OTOF: variants seen among roughly 807,000 people sequenced by gnomAD.
OTOF encodes otoferlin.
OTOF carries 218 observed loss-of-function variants against 236.8 expected under a neutral mutation model. The observed-to-expected ratio is 0.92, with a 90% CI of 0.82 to 1.03. The LOEUF (loss-of-function observed/expected upper bound fraction) is 1.03. OTOF is among the 50% of genes least tolerant of loss of function. The pLI is 0.00. For synonymous variants in OTOF, 1,041 were observed against 1,072.5 expected (o/e 0.97, Z 0.57); for missense variants, 2,590 against 2,694.4 (o/e 0.96, Z 0.86).
At chr2:26,535,185 C>T (rs539670401) in intron 2 of OTOF, among the ~76,000 whole-genome samples, 12 of 152,144 alleles carry the variant, frequency 7.9e-5, no homozygotes, top group Non-Finnish European at 1.6e-4. Context: ...CCAACACGGG[C>T]CTTGCAGGGG....
chr2:26,489,550 C>A, intron 10 of OTOF, 128 bp downstream of exon 10: 1 of 814,844 alleles, frequency 1.2e-6, no homozygotes, highest in Non-Finnish European at 2.1e-6. Context: ...CCTACTTGCC[C>A]AGCCGTGTGT....
At chr2:26,490,562 G>A (rs542860219) in intron 9 of OTOF, among the ~76,000 whole-genome samples, 1 of 152,300 alleles carries the variant, frequency 6.6e-6, no homozygotes, top group South Asian at 2.1e-4. Flanking sequence ...GGGGAGAAGG[G>A]AGAAATATTT....
At position 26,479,599 on chromosome 2, in the gene OTOF, CG is replaced by C. The variant is rs397515590; in HGVS notation, c.1966del (p.Arg656GlyfsTer10). 6 of 1,612,610 alleles carry C rather than the reference CG, an allele frequency of 3.7e-6. No homozygotes were observed. The highest frequency in any genetic ancestry group is 1.7e-5 in the Admixed American group (1 of 60,024). ...TTCTTCCTCATCCCCCGGCTCCTTC[CG>C]GGGCCGAGGCCGCTGGGGCCGGGAC... ...GLSRPQRPRP[R>X]KEPGDEEEVD... On this transcript the variant is annotated frameshift_variant, in exon 17 of 47. Coordinates refer to ENST00000272371, the MANE Select transcript of OTOF (RefSeq NM_194248.3). LOFTEE classifies it high-confidence loss of function.
At chr2:26,506,038 C>T (rs1233819638) in intron 5 of OTOF, among the ~76,000 whole-genome samples, 1 of 152,216 alleles carries the variant, frequency 6.6e-6, no homozygotes, top group African/African-American at 2.4e-5. Flanking sequence ...GAAAGGACCA[C>T]CCTGGCTGGC....
At position 26,462,662 on chromosome 2, in the gene OTOF, A is replaced by G. The variant is rs904246549; in HGVS notation, c.5193-481T>C. Among the ~76,000 whole-genome samples the G allele has an allele frequency of 2.0e-5, 3 of 152,208 alleles. No individual in the cohort carries two copies. Among genetic ancestry groups the G allele is most frequent in the Non-Finnish European group, 2.9e-5 (2 of 68,036 alleles). On this transcript the variant is annotated intron_variant, in intron 41 of 46. Coordinates refer to ENST00000272371, the MANE Select transcript of OTOF (RefSeq NM_194248.3). The surrounding 1 kb of genome is among the most constrained non-coding windows in gnomAD (Gnocchi z 4.7). Reference sequence around the variant, plus strand: ...GCTGCGAGCCCAGAGTGGCCCAGTGAGTTGGGTGCCCCCTAATGACAGGCC... The same window carrying G: ...GCTGCGAGCCCAGAGTGGCCCAGTGGGTTGGGTGCCCCCTAATGACAGGCC...
chr2:26,474,490 G>T (rs1665159046), intron 26 of OTOF, 23 bp downstream of exon 26: 1 of 1,531,032 alleles, frequency 6.5e-7, no homozygotes, highest in Non-Finnish European at 8.8e-7. Flanking sequence ...CCAGGCCTCA[G>T]CCCCTCTTCC....
chr2:26,546,301 A>C (rs1667331158), intron 1 of OTOF, among the ~76,000 whole-genome samples: 1 of 152,020 alleles, frequency 6.6e-6, no homozygotes, highest in Non-Finnish European at 1.5e-5. Context: ...TCTCTACTGA[A>C]AATACAAAAA....
At chr2:26,549,935 G>A (rs1250109192) in intron 1 of OTOF, among the ~76,000 whole-genome samples, 2 of 152,272 alleles carry the variant, frequency 1.3e-5, no homozygotes, top group Non-Finnish European at 2.9e-5. Flanking sequence ...CCCCTGTTAC[G>A]GTGACAGAGG....
chr2:26,517,647 A>G (rs1350926038), intron 4 of OTOF, among the ~76,000 whole-genome samples: 1 of 152,320 alleles, frequency 6.6e-6, no homozygotes, highest in East Asian at 1.9e-4. Context: ...TGTTATGGGA[A>G]AATGGTGGTC....
intron 9 of OTOF, among the ~76,000 whole-genome samples, chr2:26,493,064 G>A (rs1665887515): frequency 6.6e-6 from 1 of 152,220 alleles, no homozygotes. Context: ...TGGGGACATA[G>A]ATGCTTATCT....
At chr2:26,491,678 G>T (rs1332217641) in intron 9 of OTOF, among the ~76,000 whole-genome samples, 2 of 152,172 alleles carry the variant, frequency 1.3e-5, no homozygotes, top group Non-Finnish European at 2.9e-5. Flanking sequence ...GGGGCCAGAT[G>T]CACACACAGG....
Position 26,472,651 on chromosome 2 carries a change from T to G in OTOF, c.3734-2A>C. The G allele has an allele frequency of 5.0e-6, 8 of 1,612,784 alleles. No individual in the cohort carries two copies. The highest frequency in any genetic ancestry group is 6.8e-6 in the Non-Finnish European group (8 of 1,179,818). On this transcript the variant is annotated splice_acceptor_variant, in intron 29 of 46. Coordinates refer to ENST00000272371, the MANE Select transcript of OTOF (RefSeq NM_194248.3). LOFTEE classifies it high-confidence loss of function. ...CACGGCAGCGCCGGAGAAGCCTGAC[T>G]GGACAGATGGATAGATGGACAGACA...
Position 26,464,893 on chromosome 2 carries a change from G to A in OTOF, c.4936C>T (p.Pro1646Ser), listed in dbSNP as rs17005371. Residue 1646 changes from proline to serine, a missense_variant, in exon 39 of 47, where the codon CCC (proline) becomes TCC (serine). Coordinates refer to ENST00000272371, the MANE Select transcript of OTOF (RefSeq NM_194248.3). Reference protein sequence around the residue: ...VKVANRVFTGPSEIEDENGQR... With the variant: ...VKVANRVFTGSSEIEDENGQR... ...CCGTTCTCGTCCTCAATCTCAGAGG[G>A]CCCAGTGAAGACGCGGTTGGCCACC... 0.034 allele frequency: 54,842 copies of A among 1,600,522 alleles called. 8,235 individuals are homozygous for A. The African/African-American group carries it at 0.46, about 13-fold the overall frequency.
chr2:26,555,295 G>A (rs1558532303), intron 1 of OTOF, among the ~76,000 whole-genome samples: 1 of 152,174 alleles, frequency 6.6e-6, no homozygotes, highest in Non-Finnish European at 1.5e-5. Context: ...AAACCCAGCT[G>A]AGCCCTGTGG....
At chr2:26,527,328 G>A (rs944177834) in intron 3 of OTOF, among the ~76,000 whole-genome samples, 1 of 152,246 alleles carries the variant, frequency 6.6e-6, no homozygotes, top group African/African-American at 2.4e-5. Context: ...AAATCAGAGA[G>A]GTTATGTAAC....
chr2:26,476,103 C>T, intron 23 of OTOF, 25 bp downstream of exon 23: 10 of 1,611,416 alleles, frequency 6.2e-6, no homozygotes, highest in Non-Finnish European at 8.5e-6. Flanking sequence ...CCAGGTGAGG[C>T]TTCGAGTGAG....
In OTOF at chr2:26,480,205, A is replaced by G. The variant is rs111033351; in HGVS notation, c.1910T>C (p.Ile637Thr). ...GDKPITFEVT[I>T]GNYGNEVDGL... Reference sequence around the variant, plus strand: ...GCCCCCGTGGGCCCAGCACTCACCTATGGTGACCTCAAAGGTGATGGGCTT... The same window carrying G: ...GCCCCCGTGGGCCCAGCACTCACCTGTGGTGACCTCAAAGGTGATGGGCTT... Residue 637 changes from isoleucine (I) to threonine (T), a missense_variant and splice_region_variant, in exon 16 of 47, where the codon ATA becomes ACA. Ile to Thr is a moderately conservative substitution (Grantham distance 89). Coordinates refer to ENST00000272371, the MANE Select transcript of OTOF (RefSeq NM_194248.3). The G allele has an allele frequency of 1.2e-4, 189 of 1,590,408 alleles. No individual in the cohort carries two copies. In the African/African-American group the frequency reaches 2.1e-3, roughly 18 times the overall value.
In OTOF at chr2:26,484,771, C is replaced by T. The variant is rs1430511806; in HGVS notation, c.1046-138G>A. 4 of 821,588 alleles carry T rather than the reference C, an allele frequency of 4.9e-6. No homozygotes were observed. In the African/African-American group the frequency reaches 6.8e-5, roughly 14 times the overall value. 50.9% of individuals were successfully genotyped at this position (821,588 alleles called of 1,614,324 possible). On this transcript the variant is annotated intron_variant, in intron 11 of 46. Coordinates refer to ENST00000272371, the MANE Select transcript of OTOF (RefSeq NM_194248.3). ...CCCGGGACCTGGGGCCACAGCTCTG[C>T]CTGTCCCTAGCCCAGGGTGTGATAG...
chr2:26,495,816 A>G (rs527290408), intron 8 of OTOF, among the ~76,000 whole-genome samples: 12 of 152,358 alleles, frequency 7.9e-5, no homozygotes, highest in African/African-American at 2.4e-4. Flanking sequence ...AGAGCTGCCA[A>G]ACCCATGTCA....
Sources: gnomAD v4.1 joint callset for allele counts (sites outside exome capture counted in the v4.1 genomes callset) on GRCh38, gnomAD v4.1.1 for gene constraint, Gnocchi (gnomAD v3.1) non-coding constraint, MANE v1.5 for transcripts, NCBI Gene and HGNC (gene_info 2026-07-23, HGNC 2026-07-21) for gene names.